The following ZNF117 variants were observed in gnomAD, a reference collection of about 807,000 sequenced individuals.
ZNF117 encodes Krueppel-related zinc finger protein.
ZNF117 carries 37 observed loss-of-function variants against 41.2 expected under a neutral mutation model. The observed-to-expected ratio is 0.90, with a 90% CI of 0.69 to 1.18. The LOEUF (loss-of-function observed/expected upper bound fraction) is 1.18, where lower values mean the gene tolerates loss of function less well. Ranked by LOEUF, ZNF117 falls within the 50% of genes most tolerant of loss-of-function variation. The probability of loss-of-function intolerance (pLI) is 0.00; values close to 1 mark genes in which losing one functional copy is unlikely to be tolerated. For missense variants in ZNF117, 546 were observed against 557.5 expected, an observed-to-expected ratio of 0.98 and a Z score of 0.21; for synonymous variants, 186 against 186.6, an observed-to-expected ratio of 1.00 and a Z score of 0.02.
At chr7:64,985,315 G>T (rs1786112525), upstream of ZNF117, among the ~76,000 whole-genome samples, 1 of 152,104 alleles carries the variant, frequency 6.6e-6, no homozygotes, top group Non-Finnish European at 1.5e-5. Context: ...AAGTACTTCG[G>T]CCTGCAAATA....
downstream of ZNF117, chr7:64,973,090 A>C (rs1053811338): frequency 1.3e-5 from 2 of 152,056 alleles, no homozygotes; most frequent in Non-Finnish European, 2.9e-5. Flanking sequence ...AGCTGACTAT[A>C]GTTAGGTGAC....
exon 3 of ZNF117, chr7:64,975,051 T>C (rs569509298): frequency 6.6e-6 from 1 of 152,080 alleles, no homozygotes; most frequent in African/African-American, 2.4e-5. Flanking sequence ...TTAATTAAGT[T>C]CTTTAGTTTA....
chr7:64,982,988 T>C (rs1786063605), upstream of ZNF117, among the ~76,000 whole-genome samples: 1 of 152,192 alleles, frequency 6.6e-6, no homozygotes, highest in Non-Finnish European at 1.5e-5. Flanking sequence ...AATTTAACCA[T>C]AAAAAATCAG....
intron 1 of ZNF117, among the ~76,000 whole-genome samples, chr7:64,989,535 T>G (rs1246560270): frequency 8.7e-6 from 1 of 115,124 alleles, no homozygotes; most frequent in Non-Finnish European, 1.8e-5. Context: ...ACCTAGAAAA[T>G]TCTAAGACAT....
At chr7:64,983,988 C>G (rs1786084815), upstream of ZNF117, among the ~76,000 whole-genome samples, 1 of 152,228 alleles carries the variant, frequency 6.6e-6, no homozygotes, top group Admixed American at 6.5e-5. Flanking sequence ...CAGCTACTCT[C>G]AGCATGAGAA....
At chr7:64,987,396 A>G (rs1372575643) in intron 1 of ZNF117, among the ~76,000 whole-genome samples, 1 of 152,204 alleles carries the variant, frequency 6.6e-6, no homozygotes, top group African/African-American at 2.4e-5. Context: ...GAGAGATGCA[A>G]GACAAAACCA....
At chr7:64,988,073 G>A (rs1156986097) in intron 1 of ZNF117, among the ~76,000 whole-genome samples, 1 of 151,874 alleles carries the variant, frequency 6.6e-6, no homozygotes, top group Admixed American at 6.6e-5. Flanking sequence ...CCAAAAAATT[G>A]AGAAAAAAAC....
exon 3 of ZNF117, chr7:64,975,077 G>T (rs1785851451): frequency 6.6e-6 from 1 of 151,924 alleles, no homozygotes; most frequent in African/African-American, 2.4e-5. Flanking sequence ...ACTGGCAAGA[G>T]AAATTATTAG....
chr7:64,981,591 C>A, intron 1 of ZNF117, 109 bp from the exon 3 acceptor site: 1 of 960,962 alleles, frequency 1.0e-6, no homozygotes, highest in Non-Finnish European at 1.5e-6. Flanking sequence ...TAAATTAATC[C>A]CCAAATGCTA....
chr7:64,979,072 A>G (rs751791241), exon 3 of ZNF117: 1 of 1,613,110 alleles, frequency 6.2e-7, no homozygotes, highest in East Asian at 2.2e-5. Flanking sequence ...CATTCTTTAC[A>G]TTTGTAAGGT....
At chr7:64,973,385 T>G (rs1325935003), downstream of ZNF117, 2 of 152,016 alleles carry the variant, frequency 1.3e-5, no homozygotes, top group African/African-American at 4.8e-5. Flanking sequence ...GCAAATTTTA[T>G]ATTTGCCACA....
exon 3 of ZNF117, chr7:64,978,836 T>C: frequency 6.2e-7 from 1 of 1,613,628 alleles, no homozygotes; most frequent in Non-Finnish European, 8.5e-7. Flanking sequence ...AACGTTTCTC[T>C]CCGGTATGAA....
At chr7:64,976,828 T>C (rs1785897413) in exon 3 of ZNF117, 1 of 410,372 alleles carries the variant, frequency 2.4e-6, no homozygotes, top group African/African-American at 2.1e-5. Context: ...AAGTTTCCAG[T>C]ATTAATTTTC....
At chr7:64,976,373 CA>C (rs1211314130) in exon 3 of ZNF117, 1 of 152,080 alleles carries the variant, frequency 6.6e-6, no homozygotes, top group Non-Finnish European at 1.4e-5. Flanking sequence ...ACCTGGGAGG[CA>C]GAGGTTGCAG....
chr7:64,983,376 T>C (rs115808331), upstream of ZNF117, among the ~76,000 whole-genome samples: 1,938 of 152,278 alleles, frequency 0.013, 35 homozygotes, highest in African/African-American at 0.044. Flanking sequence ...AGAGCCGTGA[T>C]GTAGAGATGT....
chr7:64,990,575 A>C (rs1403187468), exon 1 of ZNF117: 2 of 152,414 alleles, frequency 1.3e-5, no homozygotes, highest in Admixed American at 6.5e-5. Flanking sequence ...CAGGATTTGC[A>C]ACATGAGCCT....
At chr7:64,987,966 G>A (rs374843081) in intron 1 of ZNF117, among the ~76,000 whole-genome samples, 1 of 151,986 alleles carries the variant, frequency 6.6e-6, no homozygotes, top group East Asian at 1.9e-4. Flanking sequence ...GTAATGAATA[G>A]CCTAGCAACC....
At chr7:64,978,860 A>G (rs1031574151) in exon 3 of ZNF117, 1 of 1,613,544 alleles carries the variant, frequency 6.2e-7, no homozygotes, top group Non-Finnish European at 8.5e-7. Context: ...ACTTATGTTC[A>G]GTAAGCTTTG....
At chr7:64,990,136 C>A (rs930498638) in exon 1 of ZNF117, 1 of 152,102 alleles carries the variant, frequency 6.6e-6, no homozygotes, top group Non-Finnish European at 1.5e-5. Flanking sequence ...AAAACATGAA[C>A]AGATACTTTT....
Sources: gnomAD v4.1 joint callset for allele counts (sites outside exome capture counted in the v4.1 genomes callset) on GRCh38, gnomAD v4.1.1 for gene constraint, MANE v1.5 for transcripts, NCBI Gene and HGNC (gene_info 2026-07-23, HGNC 2026-07-21) for gene names.